SIPA1L2: variants seen among roughly 807,000 people sequenced by gnomAD.
SIPA1L2 encodes the protein signal induced proliferation associated 1 like 2.
A neutral mutation model predicts 163.9 loss-of-function variants in SIPA1L2; 56 were observed. The observed-to-expected ratio is 0.34, with a 90% CI of 0.28 to 0.43. The LOEUF is 0.43. SIPA1L2 is among the 20% of genes least tolerant of loss of function. The probability of loss-of-function intolerance (pLI) is 1.00; values close to 1 mark genes in which losing one functional copy is unlikely to be tolerated. For synonymous variants in SIPA1L2, 877 were observed against 865.7 expected, an observed-to-expected ratio of 1.01 and a Z score of -0.23; for missense variants, 1,974 against 2,193.5, an observed-to-expected ratio of 0.90 and a Z score of 2.00.
In SIPA1L2 at chr1:232,513,707, G is replaced by A. The variant is rs59646940; in HGVS notation, c.1483+150C>T. 3,000 of 761,118 alleles carry A rather than the reference G, an allele frequency of 3.9e-3. 57 individuals carry two copies. The African/African-American group carries it at 0.043, about 11-fold the overall frequency. 47.1% of individuals were successfully genotyped at this position (761,118 alleles called of 1,614,324 possible). A position where few individuals can be genotyped will look rare whatever the true frequency, so the allele number is the denominator to read the frequency against. ...AGAAAAAATTAGCCTGGAAGCTATG[G>A]AGGGACCATGATGGAGAACAAGGTC... On this transcript the variant is annotated intron_variant, in intron 3 of 22. Transcript: ENST00000674635.
intron 3 of SIPA1L2, among the ~76,000 whole-genome samples, chr1:232,502,212 A>C (rs1666516583): frequency 6.6e-6 from 1 of 152,208 alleles, no homozygotes. Flanking sequence ...TATCTAATCC[A>C]TATAACACCA....
chr1:232,528,537 T>A (rs1400971960), intron 2 of SIPA1L2, among the ~76,000 whole-genome samples: 2 of 152,204 alleles, frequency 1.3e-5, no homozygotes, highest in Non-Finnish European at 2.9e-5. Context: ...ACTTCAAGCA[T>A]CTCTCCTGCT....
At chr1:232,546,800 C>T (rs1658057142) in intron 2 of SIPA1L2, among the ~76,000 whole-genome samples, 1 of 152,132 alleles carries the variant, frequency 6.6e-6, no homozygotes, top group African/African-American at 2.4e-5. Context: ...GAGATAACCG[C>T]ACAGCACTAT....
At chr1:232,425,895 A>C in intron 17 of SIPA1L2, 87 bp from the exon 18 acceptor site, 1 of 1,187,390 alleles carries the variant, frequency 8.4e-7, no homozygotes. Context: ...GTGGTTTCAC[A>C]TACTATTGTG....
chr1:232,601,938 G>T (rs769578804), intron 1 of SIPA1L2, among the ~76,000 whole-genome samples: 159 of 152,286 alleles, frequency 1.0e-3, no homozygotes, highest in South Asian at 8.3e-3. Context: ...AATATGGGAT[G>T]TCACCTTACA....
chr1:232,615,166 TG>T (rs1017206552), intron 1 of SIPA1L2, among the ~76,000 whole-genome samples: 2 of 152,158 alleles, frequency 1.3e-5, no homozygotes, highest in African/African-American at 2.4e-5. Context: ...CCAAGAATGG[TG>T]GCCACACTCC....
intron 2 of SIPA1L2, among the ~76,000 whole-genome samples, chr1:232,562,451 C>T (rs949573911): frequency 2.0e-5 from 3 of 152,130 alleles, no homozygotes; most frequent in South Asian, 2.1e-4. Context: ...TCTAACACAC[C>T]GCCTATTAGA....
rs377219420 is a variant in SIPA1L2 at position 232,429,736 on chromosome 1, C to A, written c.4257-1172G>T. Among the ~76,000 whole-genome samples, 149 of 152,078 alleles carry A rather than the reference C, an allele frequency of 9.8e-4. 1 individual carries two copies. The highest frequency in any genetic ancestry group is 3.3e-3 in the African/African-American group (139 of 41,498). ...ACCAAGACGCTGGAGGGCTTTTGCA[C>A]AAAAGCCACATAAGGAAAACAAAAC... On this transcript the variant is annotated intron_variant, in intron 16 of 22. Transcript: ENST00000674635.
At chr1:232,441,115 C>G (rs1329971134) in intron 14 of SIPA1L2, among the ~76,000 whole-genome samples, 176 bp downstream of exon 14, 1 of 152,210 alleles carries the variant, frequency 6.6e-6, no homozygotes, top group Non-Finnish European at 1.5e-5. Context: ...GCTGTGCAAC[C>G]TTTCTTTGAG....
chr1:232,600,358 C>T (rs1025358670), intron 1 of SIPA1L2, among the ~76,000 whole-genome samples: 1 of 152,108 alleles, frequency 6.6e-6, no homozygotes, highest in African/African-American at 2.4e-5. Flanking sequence ...TAAGTTATAG[C>T]CAAAATCAAT....
intron 2 of SIPA1L2, among the ~76,000 whole-genome samples, chr1:232,531,097 T>C (rs954495232): frequency 1.3e-5 from 2 of 152,234 alleles, no homozygotes; most frequent in Admixed American, 6.5e-5. Flanking sequence ...CCAAGCACTT[T>C]CTAAATGCCT....
At chr1:232,417,993 C>T (rs946132) in intron 18 of SIPA1L2, among the ~76,000 whole-genome samples, 94,838 of 152,004 alleles carry the variant, frequency 0.62, 30,397 homozygotes, top group East Asian at 0.81. Context: ...TATTCAGATA[C>T]ACGGCCATTT....
chr1:232,584,942 G>A (rs1247526198), intron 1 of SIPA1L2, among the ~76,000 whole-genome samples: 1 of 152,186 alleles, frequency 6.6e-6, no homozygotes. Context: ...GGGGGAGAGA[G>A]GAAGTATTGT....
At chr1:232,525,633 T>A (rs987458130) in intron 2 of SIPA1L2, among the ~76,000 whole-genome samples, 1 of 152,102 alleles carries the variant, frequency 6.6e-6, no homozygotes, top group Non-Finnish European at 1.5e-5. Context: ...AGGCTGCTCA[T>A]GTCGTAGACA....
chr1:232,464,747 G>C, intron 9 of SIPA1L2, 93 bp downstream of exon 9: 1 of 998,446 alleles, frequency 1.0e-6, no homozygotes, highest in Middle Eastern at 2.2e-4. Flanking sequence ...TCCCTAATTG[G>C]TATAATCATG....
chr1:232,443,289 A>G (rs1394665654), intron 12 of SIPA1L2, among the ~76,000 whole-genome samples: 1 of 152,196 alleles, frequency 6.6e-6, no homozygotes, highest in Non-Finnish European at 1.5e-5. Context: ...CACTTCTCTG[A>G]TTTTGAGCGG....
chr1:232,440,288 A>G (rs978538058), intron 14 of SIPA1L2, among the ~76,000 whole-genome samples: 3 of 152,238 alleles, frequency 2.0e-5, no homozygotes, highest in Admixed American at 2.0e-4. Flanking sequence ...CAAGATCTGA[A>G]GCATCAGCAA....
intron 2 of SIPA1L2, among the ~76,000 whole-genome samples, chr1:232,567,572 C>A (rs1659479416): frequency 6.6e-6 from 1 of 152,110 alleles, no homozygotes; most frequent in South Asian, 2.1e-4. Flanking sequence ...AAAAAAATTT[C>A]CAAGTTATAA....
intron 18 of SIPA1L2, among the ~76,000 whole-genome samples, chr1:232,421,331 A>G (rs1661564558): frequency 6.6e-6 from 1 of 152,208 alleles, no homozygotes; most frequent in South Asian, 2.1e-4. Context: ...CTCAAGCGAC[A>G]TTGATCTTGT....
Sources: allele counts gnomAD v4.1 joint callset (sites outside exome capture counted in the v4.1 genomes callset), GRCh38; gene constraint gnomAD v4.1.1; transcripts MANE v1.5; gene names NCBI Gene and HGNC (gene_info 2026-07-23, HGNC 2026-07-21).